Variants in RHBDD1 observed in about 807,000 individuals in gnomAD.
RHBDD1 encodes rhomboid-related protein 4.
A neutral mutation model predicts 36.3 loss-of-function variants in RHBDD1; 38 were observed. That is an observed-to-expected ratio of 1.05 (90% CI 0.81 to 1.37). The LOEUF (loss-of-function observed/expected upper bound fraction) is 1.37. RHBDD1 is among the 40% of genes most tolerant of loss of function. The pLI is 0.00. For missense variants in RHBDD1, 393 were observed against 377.6 expected (o/e 1.04, Z -0.34); for synonymous variants, 151 against 136.5 (o/e 1.11, Z -0.74).
chr2:226,849,877 G>C lies in RHBDD1; in HGVS notation c.-91+10250G>C, dbSNP rs1217736324. The stretch of plus-strand genomic sequence containing the variant: ...TCTTTTGAGAATATATATATTTTCT[G>C]TCTCTCTCTCTCTACATATATATGT... On this transcript the variant is annotated intron_variant, in intron 3 of 8. Transcript: ENST00000392062. 4.0e-5 allele frequency among the ~76,000 whole-genome samples: 6 copies of C among 151,638 alleles called. No homozygotes were observed. The South Asian group carries it at 1.0e-3, about 26-fold the overall frequency.
intron 3 of RHBDD1, among the ~76,000 whole-genome samples, chr2:226,850,615 A>T (rs1942711853): frequency 1.3e-5 from 2 of 152,068 alleles, no homozygotes; most frequent in Admixed American, 1.3e-4. Context: ...GCAGGATTCT[A>T]GGTGGTGTCT....
At chr2:226,854,073 T>TA (rs1443715736) in intron 3 of RHBDD1, among the ~76,000 whole-genome samples, 41 of 152,150 alleles carry the variant, frequency 2.7e-4, no homozygotes, top group Admixed American at 2.7e-3. Context: ...TATTGGGAGG[T>TA]ATGTAAATAT....
chr2:226,966,464 C>T (rs184867524), intron 8 of RHBDD1, among the ~76,000 whole-genome samples: 1 of 152,272 alleles, frequency 6.6e-6, no homozygotes, highest in East Asian at 1.9e-4. Context: ...AGCCACTAGC[C>T]ACAAGTGCTG....
At chr2:226,924,597 G>C (rs1048056843) in intron 8 of RHBDD1, among the ~76,000 whole-genome samples, 1 of 152,156 alleles carries the variant, frequency 6.6e-6, no homozygotes, top group Admixed American at 6.5e-5. Context: ...CCCAAGAATT[G>C]CAGTTCTTGT....
intron 7 of RHBDD1, among the ~76,000 whole-genome samples, chr2:226,910,637 T>A (rs1023111869): frequency 6.6e-6 from 1 of 152,040 alleles, no homozygotes; most frequent in Admixed American, 6.6e-5. Context: ...ACAACCAGAT[T>A]TTCTTTTACT....
At chr2:226,870,681 A>G (rs894664642) in intron 5 of RHBDD1, among the ~76,000 whole-genome samples, 1 of 152,200 alleles carries the variant, frequency 6.6e-6, no homozygotes, top group Non-Finnish European at 1.5e-5. Flanking sequence ...AGCCTTACTA[A>G]TAACATACAC....
intron 8 of RHBDD1, among the ~76,000 whole-genome samples, chr2:226,945,475 C>T (rs562447374): frequency 6.6e-6 from 1 of 152,266 alleles, no homozygotes; most frequent in South Asian, 2.1e-4. Flanking sequence ...CATGTCCCTG[C>T]AACAGACATG....
chr2:226,898,666 A>C (rs1947327166), intron 5 of RHBDD1, among the ~76,000 whole-genome samples: 1 of 152,254 alleles, frequency 6.6e-6, no homozygotes, highest in South Asian at 2.1e-4. Context: ...TGTTAAGAAG[A>C]AGCAATCCTG....
At chr2:226,874,423 C>T (rs990485573) in intron 5 of RHBDD1, among the ~76,000 whole-genome samples, 9 of 152,134 alleles carry the variant, frequency 5.9e-5, no homozygotes, top group Non-Finnish European at 1.3e-4. Context: ...CTTACAATAA[C>T]ACAAATTCCT....
the RHBDD1 span, among the ~76,000 whole-genome samples, chr2:226,812,743 G>T: frequency 6.6e-6 from 1 of 151,946 alleles, no homozygotes; most frequent in East Asian, 1.9e-4. Context: ...TCTGGGAGGG[G>T]ACTCATTTAA....
intron 5 of RHBDD1, among the ~76,000 whole-genome samples, chr2:226,900,897 C>T (rs1947529211): frequency 6.6e-6 from 1 of 152,146 alleles, no homozygotes; most frequent in Non-Finnish European, 1.5e-5. Flanking sequence ...TCAAGATGTA[C>T]TCTCCTAGTA....
At chr2:226,989,044 A>AGG (rs1440202665) in intron 8 of RHBDD1, among the ~76,000 whole-genome samples, 1 of 152,262 alleles carries the variant, frequency 6.6e-6, no homozygotes, top group African/African-American at 2.4e-5. Flanking sequence ...ATGCTGATGT[A>AGG]GGGGCTGAGG....
At chr2:226,904,287 CT>C (rs1351019156) in intron 5 of RHBDD1, among the ~76,000 whole-genome samples, 4 of 152,260 alleles carry the variant, frequency 2.6e-5, no homozygotes, top group African/African-American at 9.6e-5. Context: ...TGCCGTGAGG[CT>C]GAAGCCTAGG....
At chr2:226,905,017 G>A (rs1172146678) in intron 5 of RHBDD1, among the ~76,000 whole-genome samples, 3 of 152,070 alleles carry the variant, frequency 2.0e-5, no homozygotes, top group African/African-American at 7.2e-5. Context: ...CCCTGTCCTG[G>A]GTGTTTGGAA....
Position 226,915,299 on chromosome 2 carries a change from G to A in RHBDD1, c.856+948G>A, listed in dbSNP as rs528328252. 6.6e-5 allele frequency among the ~76,000 whole-genome samples: 10 copies of A among 152,334 alleles called. No individual in the cohort carries two copies. The East Asian group carries it at 1.9e-3, about 29-fold the overall frequency. On this transcript the variant is annotated intron_variant, in intron 8 of 8. Coordinates refer to ENST00000392062, the MANE Select transcript of RHBDD1 (RefSeq NM_001167608.3). ...GAGCTGTGGACGGGCATTCTCTGCA[G>A]AAGTCTGAATATCAGCATAGAAGTT... is the stretch of plus-strand genomic sequence containing the variant.
intron 5 of RHBDD1, among the ~76,000 whole-genome samples, chr2:226,874,578 G>A (rs532056883): frequency 5.9e-5 from 9 of 152,246 alleles, no homozygotes; most frequent in African/African-American, 2.2e-4. Context: ...TCTGTGTCCA[G>A]GGTCATGTGG....
At chr2:226,964,286 C>T (rs1490444322) in intron 8 of RHBDD1, among the ~76,000 whole-genome samples, 1 of 152,208 alleles carries the variant, frequency 6.6e-6, no homozygotes, top group East Asian at 1.9e-4. Context: ...TAGCTAAGAT[C>T]CCCTGCACCC....
At chr2:226,805,425 C>G in the RHBDD1 span, among the ~76,000 whole-genome samples, 1 of 152,164 alleles carries the variant, frequency 6.6e-6, no homozygotes, top group African/African-American at 2.4e-5. Context: ...GTTGGCCAGG[C>G]TAGTCTTGAA....
chr2:226,808,372 C>A, the RHBDD1 span: 4 of 152,152 alleles, frequency 2.6e-5, no homozygotes, highest in Non-Finnish European at 4.4e-5. Context: ...AACATCAACT[C>A]TTTTATTATG....
Sources: gnomAD v4.1 joint callset for allele counts (sites outside exome capture counted in the v4.1 genomes callset) on GRCh38, gnomAD v4.1.1 for gene constraint, MANE v1.5 for transcripts, NCBI Gene and HGNC (gene_info 2026-07-23, HGNC 2026-07-21) for gene names.